ABCB7: variants seen among roughly 807,000 people sequenced by gnomAD.
ABCB7 encodes the protein iron-sulfur clusters transporter ABCB7, mitochondrial.
Under a neutral mutation model 54.4 loss-of-function variants are expected in ABCB7, and 7 were observed. The observed-to-expected ratio is 0.13, with a 90% CI of 0.07 to 0.24. The LOEUF (loss-of-function observed/expected upper bound fraction) is 0.24. ABCB7 is among the 10% of genes least tolerant of loss of function. The probability of loss-of-function intolerance (pLI) is 1.00; values close to 1 mark genes in which losing one functional copy is unlikely to be tolerated. For synonymous variants in ABCB7, 218 were observed against 207.1 expected (o/e 1.05, Z -0.45); for missense variants, 356 against 570.4 (o/e 0.62, Z 3.83).
chrX:75,051,494 AATG>A lies in ABCB7; in HGVS notation c.*1873_*1875del, dbSNP rs1488873108. On this transcript the variant is annotated 3_prime_UTR_variant, in exon 16 of 16. Transcript: ENST00000373394. The stretch of plus-strand genomic sequence containing the variant: ...ATGAGGTGCATATGTTTTCAAATTG[AATG>A]ATTACTACCAAACAAATGAAAGCAA... 8.9e-6 allele frequency: 1 copy of A among 112,378 alleles called. No homozygotes were observed. Among genetic ancestry groups the A allele is most frequent in the Non-Finnish European group, 1.9e-5 (1 of 53,238 alleles). The allele number at this position is 112,378 out of a possible 1,213,427, so 9.3% of individuals were successfully genotyped here.
In ABCB7 at chrX:75,134,266, A is replaced by G. The variant is rs138887025; in HGVS notation, c.169-19435T>C. 9.3e-3 allele frequency among the ~76,000 whole-genome samples: 1,046 copies of G among 112,001 alleles called. 14 individuals are homozygous for G. Among genetic ancestry groups the G allele is most frequent in the African/African-American group, 0.032 (998 of 30,785 alleles). On this transcript the variant is annotated intron_variant, in intron 1 of 15. Coordinates refer to ENST00000373394, the MANE Select transcript of ABCB7 (RefSeq NM_001271696.3). ...ACATAATGATAGAGGGTTCAATTCA[A>G]CAAGATATAACCATCCTAAATATAT...
chrX:75,057,481 C>T (rs1323802049), intron 15 of ABCB7, among the ~76,000 whole-genome samples: 1 of 109,877 alleles, frequency 9.1e-6, no homozygotes, highest in Non-Finnish European at 1.9e-5. Flanking sequence ...CTCAGTCTCC[C>T]AAGTGGCTGG....
At chrX:75,135,117 C>T (rs1279924555) in intron 1 of ABCB7, among the ~76,000 whole-genome samples, 1 of 108,472 alleles carries the variant, frequency 9.2e-6, no homozygotes, top group African/African-American at 3.3e-5. Context: ...CAAATAAACA[C>T]AATCAGAAAT....
At chrX:75,069,174 T>C (rs755592595) in intron 11 of ABCB7, 38 bp from the exon 12 acceptor site, 25 of 1,203,990 alleles carry the variant, frequency 2.1e-5, no homozygotes, top group Non-Finnish European at 2.8e-5. Context: ...TTAGCTCCTA[T>C]TAATGTTAGG....
intron 1 of ABCB7, among the ~76,000 whole-genome samples, chrX:75,154,223 G>A (rs1252496268): frequency 1.8e-5 from 2 of 111,725 alleles, no homozygotes; most frequent in Non-Finnish European, 3.8e-5. Flanking sequence ...AAAGGACAGA[G>A]TGGAAGAAGG....
intron 11 of ABCB7, 62 bp downstream of exon 11, chrX:75,069,229 A>G: frequency 1.7e-6 from 2 of 1,200,990 alleles, no homozygotes; most frequent in South Asian, 3.5e-5. Context: ...TAAAGAAAGA[A>G]ATATTACATT....
At chrX:75,130,639 T>C (rs2081967802) in intron 1 of ABCB7, among the ~76,000 whole-genome samples, 2 of 111,660 alleles carry the variant, frequency 1.8e-5, no homozygotes, top group Non-Finnish European at 3.8e-5. Flanking sequence ...CAGAACACTC[T>C]TGGGGCTGAA....
intron 1 of ABCB7, among the ~76,000 whole-genome samples, chrX:75,130,950 C>T (rs2081969780): frequency 1.8e-5 from 2 of 109,966 alleles, no homozygotes; most frequent in Admixed American, 9.7e-5. Context: ...ATTCATTGTA[C>T]AAAAATTAAA....
intron 1 of ABCB7, among the ~76,000 whole-genome samples, chrX:75,115,791 G>GGC (rs200647979): frequency 3.1e-3 from 335 of 107,564 alleles, no homozygotes; most frequent in African/African-American, 0.011. Context: ...TGTGTTGGGG[G>GGC]GGGGGGCACG....
Position 75,065,126 on chromosome X carries a change from A to C in ABCB7, c.1775T>G (p.Leu592Arg), listed in dbSNP as rs774449299. The change falls in exon 13 of 16, where the codon CTT (leucine) becomes CGT (arginine). Residue 592 changes from leucine (L) to arginine (R), a missense_variant. By Grantham distance (102) the Leu-to-Arg change is moderately radical. Transcript: ENST00000373394. ...GGTGTCATATCCATGTGGCATTCGA[A>C]GAATTGCATCATGAAGTCCAGCTAA... ...AKLAGLHDAILRMPHGYDTQV... is the reference protein window; with the variant it reads ...AKLAGLHDAIRRMPHGYDTQV... 5.0e-6 allele frequency: 6 copies of C among 1,211,317 alleles called. No homozygotes were observed. Among genetic ancestry groups the C allele is most frequent in the Non-Finnish European group, 5.6e-6 (5 of 895,256 alleles).
chrX:75,092,312 C>A (rs2081550418), intron 4 of ABCB7, among the ~76,000 whole-genome samples: 1 of 110,839 alleles, frequency 9.0e-6, no homozygotes, highest in Non-Finnish European at 1.9e-5. Flanking sequence ...GGAGCAAAGG[C>A]AACCCAATGG....
chrX:75,087,333 C>A (rs1485818112), intron 4 of ABCB7, among the ~76,000 whole-genome samples: 2 of 111,787 alleles, frequency 1.8e-5, no homozygotes, highest in African/African-American at 6.5e-5. Context: ...GTGGTAGAAT[C>A]CTCACAGAAC....
intron 1 of ABCB7, among the ~76,000 whole-genome samples, chrX:75,153,163 C>T (rs778183204): frequency 1.3e-4 from 14 of 110,925 alleles, no homozygotes; most frequent in Non-Finnish European, 1.7e-4. Flanking sequence ...CTGCAAGCTC[C>T]GCCTCCCGGG....
Position 75,090,515 on chromosome X carries a change from T to C in ABCB7, c.453+8427A>G, listed in dbSNP as rs189519379. 6.0e-3 allele frequency among the ~76,000 whole-genome samples: 657 copies of C among 109,317 alleles called. 3 individuals carry two copies. The highest frequency in any genetic ancestry group is 0.045 in the South Asian group (117 of 2,584). The allele number at this position is 109,317 out of a possible 115,157, so 94.9% of individuals were successfully genotyped here. A position where few individuals can be genotyped will look rare whatever the true frequency, so the allele number is the denominator to read the frequency against. The stretch of plus-strand genomic sequence containing the variant: ...GCACTTAAAAAGAAATTTATAGCAC[T>C]GAATGCAAATATTAGAAAAGAAAGA... On this transcript the variant is annotated intron_variant, in intron 4 of 15. Coordinates refer to ENST00000373394, the MANE Select transcript of ABCB7 (RefSeq NM_001271696.3).
At chrX:75,126,185 C>T (rs146494615) in intron 1 of ABCB7, among the ~76,000 whole-genome samples, 2,665 of 111,173 alleles carry the variant, frequency 0.024, 78 homozygotes, top group African/African-American at 0.084. Context: ...ATTATCCCAC[C>T]AAACTTTTCA....
chrX:75,141,879 C>T (rs1281138136), intron 1 of ABCB7, among the ~76,000 whole-genome samples: 1 of 111,222 alleles, frequency 9.0e-6, no homozygotes, highest in African/African-American at 3.3e-5. Flanking sequence ...AAGATGAGGG[C>T]ATGTCCAAAC....
intron 13 of ABCB7, 67 bp from the exon 14 acceptor site, chrX:75,062,498 A>G (rs1459439438): frequency 2.5e-6 from 2 of 801,428 alleles, no homozygotes; most frequent in Non-Finnish European, 3.8e-6. Context: ...TAGTGTTTCC[A>G]TTGATTACAA....
rs778546799 is a variant in ABCB7, at chrX:75,069,348, A to G, written c.1472T>C (p.Ile491Thr). 2.7e-5 allele frequency: 33 copies of G among 1,209,376 alleles called. No individual in the cohort carries two copies. In the South Asian group the frequency reaches 5.6e-4, roughly 21 times the overall value. ...CTTTCCTGCAGGGACTTCAAAGGAT[A>G]TTCCACTAAGGACTTTCTGGCCCTC... ...YIEGQKVLSG[I>T]SFEVPAGKKV... Residue 491 changes from isoleucine (I) to threonine (T), a missense_variant, in exon 11 of 16, where the codon ATA (isoleucine) becomes ACA (threonine). Physicochemically the swap from Ile to Thr is moderately conservative, Grantham distance 89. Transcript: ENST00000373394.
chrX:75,051,399 C>A lies in ABCB7; in HGVS notation c.*1971G>T, dbSNP rs2147435693. ...AATTATCATGAAAAATTTCTTAAAA[C>A]TATAAACCAATAAAATATTAGGACC... is the stretch of plus-strand genomic sequence containing the variant. On this transcript the variant is annotated 3_prime_UTR_variant, in exon 16 of 16. Coordinates refer to ENST00000373394, the MANE Select transcript of ABCB7 (RefSeq NM_001271696.3). Among the ~76,000 whole-genome samples the A allele has an allele frequency of 9.0e-6, 1 of 111,499 alleles. No homozygotes were observed. Among genetic ancestry groups the A allele is most frequent in the Admixed American group, 9.5e-5 (1 of 10,542 alleles).
Sources: gnomAD v4.1 joint callset for allele counts (sites outside exome capture counted in the v4.1 genomes callset) on GRCh38, gnomAD v4.1.1 for gene constraint, MANE v1.5 for transcripts, NCBI Gene and HGNC (gene_info 2026-07-23, HGNC 2026-07-21) for gene names.